Variants in MUC12 observed in about 807,000 individuals in gnomAD.
MUC12 encodes the protein mucin-12.
MUC12 carries 172 observed loss-of-function variants against 230.8 expected under a neutral mutation model. That is an observed-to-expected ratio of 0.75 (90% CI 0.66 to 0.85). The LOEUF is 0.85. MUC12 is among the 40% of genes least tolerant of loss of function. MUC12 has a pLI of 0.00. For missense variants in MUC12, 3,506 were observed against 5,920.6 expected, an observed-to-expected ratio of 0.59 and a Z score of 13.38; for synonymous variants, 1,259 against 2,401.9, an observed-to-expected ratio of 0.52 and a Z score of 13.91.
chr7:100,991,784 A>G lies in MUC12; in HGVS notation c.1221A>G (p.Leu407=). The G allele has an allele frequency of 6.5e-7, 1 of 1,537,956 alleles. No individual in the cohort carries two copies. Among genetic ancestry groups the G allele is most frequent in the Non-Finnish European group, 8.7e-7 (1 of 1,147,068 alleles). ...CAACTCCTAGCACCACAGCTGCCCT[A>G]GCACATACAAGCTACCACAGCAGCC... ...KSSTPSTTAA[L]AHTSYHSSLG... The change falls in exon 2 of 12, where the codon CTA becomes CTG. Residue 407 remains leucine (L), a synonymous_variant. Coordinates refer to ENST00000536621, the MANE Select transcript of MUC12 (RefSeq NM_001164462.2).
At chr7:100,985,773 G>A (rs1192992619) in intron 1 of MUC12, among the ~76,000 whole-genome samples, 1 of 152,124 alleles carries the variant, frequency 6.6e-6, no homozygotes, top group Non-Finnish European at 1.5e-5. Flanking sequence ...AGAGGTGATT[G>A]GGGAAGGTGA....
At chr7:101,006,890 G>C (rs1410146790) in intron 3 of MUC12, among the ~76,000 whole-genome samples, 1 of 152,114 alleles carries the variant, frequency 6.6e-6, no homozygotes, top group Non-Finnish European at 1.5e-5. Context: ...ATGGAGAATG[G>C]GGTACACATT....
chr7:101,018,765 C>A lies in MUC12; in HGVS notation c.*129C>A. The stretch of plus-strand genomic sequence containing the variant: ...GCCCTGAAGCCGGTCCTGCTCTGAG[C>A]TGACAGACTTGGCCAGTCCCCTGCC... On this transcript the variant is annotated 3_prime_UTR_variant, in exon 12 of 12. Transcript: ENST00000536621. 1 of 956,650 alleles carries A rather than the reference C, an allele frequency of 1.0e-6. No individual in the cohort carries two copies. The highest frequency in any genetic ancestry group is 1.5e-6 in the Non-Finnish European group (1 of 670,942). 59.3% of individuals were successfully genotyped at this position (956,650 alleles called of 1,614,324 possible).
At chr7:100,987,376 A>AT (rs573825961) in intron 1 of MUC12, among the ~76,000 whole-genome samples, 241 of 151,850 alleles carry the variant, frequency 1.6e-3, no homozygotes, top group Non-Finnish European at 2.2e-3. Flanking sequence ...CTAGCTAATG[A>AT]TTTTTTTTAC....
At chr7:100,982,960 C>T (rs1452459961) in intron 1 of MUC12, among the ~76,000 whole-genome samples, 1 of 151,764 alleles carries the variant, frequency 6.6e-6, no homozygotes, top group Non-Finnish European at 1.5e-5. Flanking sequence ...GTCTTGAACT[C>T]CTGGCCTCAA....
Position 100,977,082 on chromosome 7 carries a change from A to G in MUC12, c.67+7393A>G, listed in dbSNP as rs1367033317. Among the ~76,000 whole-genome samples, 9 of 129,742 alleles carry G rather than the reference A, an allele frequency of 6.9e-5. No homozygotes were observed. In the South Asian group the frequency reaches 2.0e-3, roughly 29 times the overall value. 85.1% of individuals were successfully genotyped at this position (129,742 alleles called of 152,430 possible). On this transcript the variant is annotated intron_variant, in intron 1 of 11. Coordinates refer to ENST00000536621, the MANE Select transcript of MUC12 (RefSeq NM_001164462.2). ...AAAAAAAAAAAAAAAAAAAAAAAAA[A>G]GAAATTGCTCAATACCACCCATTCA...
rs905468995 is a variant in MUC12, at chr7:101,005,122, C to G, written c.14559C>G (p.Phe4853Leu). 7.2e-6 allele frequency: 11 copies of G among 1,537,988 alleles called. No individual in the cohort carries two copies. The highest frequency in any genetic ancestry group is 9.6e-6 in the Non-Finnish European group (11 of 1,147,082). The change falls in exon 2 of 12, where the codon TTC (phenylalanine) becomes TTG (leucine). Residue 4853 changes from phenylalanine to leucine, a missense_variant. Coordinates refer to ENST00000536621, the MANE Select transcript of MUC12 (RefSeq NM_001164462.2). ...GCCTTAGTGAGGAATCTACCACCTT[C>G]TACAGCAGCCCAGGCTCAACTGAAA... is the stretch of plus-strand genomic sequence containing the variant. ...VPGLSEESTT[F>L]YSSPGSTETT...
Position 101,004,968 on chromosome 7 carries a change from G to T in MUC12, c.14405G>T (p.Gly4802Val), listed in dbSNP as rs376718290. The T allele has an allele frequency of 6.5e-7, 1 of 1,537,564 alleles. No homozygotes were observed. The highest frequency in any genetic ancestry group is 1.4e-5 in the African/African-American group (1 of 72,998). The change falls in exon 2 of 12, where the codon GGC (glycine) becomes GTC (valine). Residue 4802 changes from glycine (G) to valine (V), a missense_variant. Transcript: ENST00000536621. The part of the protein sequence containing the change: ...QESTTFHSKP[G>V]STETTLSPGS... ...TCAACAACTTTCCACAGTAAGCCAGGCTCAACTGAGACAACACTGTCCCCT... is the reference window on the plus strand; with the variant it reads ...TCAACAACTTTCCACAGTAAGCCAGTCTCAACTGAGACAACACTGTCCCCT...
At position 101,003,300 on chromosome 7, in the gene MUC12, C is replaced by G. The variant is rs772632578; in HGVS notation, c.12737C>G (p.Ala4246Gly). 1 of 1,522,444 alleles carries G rather than the reference C, an allele frequency of 6.6e-7. No individual in the cohort carries two copies. Among genetic ancestry groups the G allele is most frequent in the African/African-American group, 1.5e-5 (1 of 66,560 alleles). The allele number at this position is 1,522,444 out of a possible 1,614,324, so 94.3% of individuals were successfully genotyped here. ...CCAGGCGTCAGTCAGGAATCTACAGCTTCCCACAGCAGCCCAGGCTCCACA... is the reference window on the plus strand; with the variant it reads ...CCAGGCGTCAGTCAGGAATCTACAGGTTCCCACAGCAGCCCAGGCTCCACA... ...TMPGVSQESTASHSSPGSTDT... is the reference protein window; with the variant it reads ...TMPGVSQESTGSHSSPGSTDT... Residue 4246 changes from alanine to glycine, a missense_variant, in exon 2 of 12, where the codon GCT becomes GGT. By Grantham distance (60) the Ala-to-Gly change is moderately conservative (BLOSUM62 0). Coordinates refer to ENST00000536621, the MANE Select transcript of MUC12 (RefSeq NM_001164462.2).
chr7:100,983,331 A>G (rs905015238), intron 1 of MUC12, among the ~76,000 whole-genome samples: 2 of 151,704 alleles, frequency 1.3e-5, no homozygotes, highest in Non-Finnish European at 2.9e-5. Flanking sequence ...GAGGCAGGAG[A>G]ATTGCTTGAG....
rs1418840562 is a variant in MUC12 at position 101,004,326 on chromosome 7, C to T, written c.13763C>T (p.Pro4588Leu). The change falls in exon 2 of 12, where the codon CCC becomes CTC. Residue 4588 changes from proline to leucine, a missense_variant. Coordinates refer to ENST00000536621, the MANE Select transcript of MUC12 (RefSeq NM_001164462.2). ...AGCCCAGTTGCAACTGCAACAACACCCTCGCCTGCCCGCTCCACAACCTCA... is the reference window on the plus strand; with the variant it reads ...AGCCCAGTTGCAACTGCAACAACACTCTCGCCTGCCCGCTCCACAACCTCA... ...HSSPVATATT[P>L]SPARSTTSGL... The T allele has an allele frequency of 8.3e-7, 1 of 1,205,220 alleles. No homozygotes were observed. Among genetic ancestry groups the T allele is most frequent in the Admixed American group, 2.6e-5 (1 of 38,252 alleles). 74.7% of individuals were successfully genotyped at this position (1,205,220 alleles called of 1,614,324 possible).
chr7:100,988,628 C>T (rs770949882), intron 1 of MUC12, among the ~76,000 whole-genome samples: 3 of 152,168 alleles, frequency 2.0e-5, no homozygotes, highest in Admixed American at 1.3e-4. Flanking sequence ...GTCCATGGAA[C>T]GGGTGACTGC....
intron 5 of MUC12, among the ~76,000 whole-genome samples, chr7:101,010,299 G>A (rs1229709146): frequency 6.6e-6 from 1 of 152,092 alleles, no homozygotes; most frequent in Non-Finnish European, 1.5e-5. Flanking sequence ...CACATGGAGT[G>A]GTTGCGTGAT....
At chr7:100,989,793 C>T (rs552846955) in intron 1 of MUC12, among the ~76,000 whole-genome samples, 20 of 151,872 alleles carry the variant, frequency 1.3e-4, no homozygotes, top group African/African-American at 3.9e-4. Flanking sequence ...TGGGTTCAAG[C>T]GATTCTCATG....
Position 101,004,808 on chromosome 7 carries a change from G to C in MUC12, c.14245G>C (p.Asp4749His). 1 of 1,537,582 alleles carries C rather than the reference G, an allele frequency of 6.5e-7. No homozygotes were observed. Among genetic ancestry groups the C allele is most frequent in the African/African-American group, 1.4e-5 (1 of 73,104 alleles). The change falls in exon 2 of 12, where the codon GAC becomes CAC. Residue 4749 changes from aspartate to histidine, a missense_variant. Asp to His is a moderately conservative substitution (Grantham distance 81). Coordinates refer to ENST00000536621, the MANE Select transcript of MUC12 (RefSeq NM_001164462.2). ...CCTTTACAGTAGCTCCAGATCACCA[G>C]ACCAAACACTCTCACCTGCCAGCAT... ...TILYSSSRSP[D>H]QTLSPASMTS...
At chr7:100,972,298 GTCCTGC>G in intron 1 of MUC12, 21 of 688,626 alleles carry the variant, frequency 3.0e-5, no homozygotes, top group South Asian at 9.3e-5. Context: ...GTGGATTTGT[GTCCTGC>G]GCCCCTCCTC....
In MUC12 at chr7:101,008,804, C is replaced by T. The variant is rs193022881; in HGVS notation, c.15186+43C>T. ...CCAGACACCCCAGGGTGATGTCCCA[C>T]GTGAGAGGAAATTGGGGGGTGCACC... On this transcript the variant is annotated intron_variant, in intron 4 of 11. Transcript: ENST00000536621. 4.9e-4 allele frequency: 747 copies of T among 1,513,362 alleles called. 3 individuals are homozygous for T. In the African/African-American group the frequency reaches 8.6e-3, roughly 17 times the overall value. 93.7% of individuals were successfully genotyped at this position (1,513,362 alleles called of 1,614,324 possible).
At chr7:100,976,338 G>A (rs1029397885) in intron 1 of MUC12, among the ~76,000 whole-genome samples, 2 of 150,314 alleles carry the variant, frequency 1.3e-5, no homozygotes, top group Non-Finnish European at 3.0e-5. Flanking sequence ...AGGCGTGGTG[G>A]CTCATGCCTG....
rs1793723112 is a variant in MUC12 at position 101,005,193 on chromosome 7, A to C, written c.14630A>C (p.Gln4877Pro). 2 of 1,536,574 alleles carry C rather than the reference A, an allele frequency of 1.3e-6. No individual in the cohort carries two copies. Among genetic ancestry groups the C allele is most frequent in the Non-Finnish European group, 1.7e-6 (2 of 1,146,634 alleles). Residue 4877 changes from glutamine (Q) to proline (P), a missense_variant, in exon 2 of 12, where the codon CAA becomes CCA. Coordinates refer to ENST00000536621, the MANE Select transcript of MUC12 (RefSeq NM_001164462.2). ...AACACAATGTCCATTCATAGTCAAC[A>C]ATCTACACCCTTCCCTGACAGCCCA... Reference protein sequence around the residue: ...HSNTMSIHSQQSTPFPDSPGF... With the variant: ...HSNTMSIHSQPSTPFPDSPGF...
Sources: allele counts gnomAD v4.1 joint callset (sites outside exome capture counted in the v4.1 genomes callset), GRCh38; gene constraint gnomAD v4.1.1; transcripts MANE v1.5; gene names NCBI Gene and HGNC (gene_info 2026-07-23, HGNC 2026-07-21).